Variants in MUC7 observed in about 807,000 individuals in gnomAD.
The protein encoded by MUC7 is mucin 7, secreted.
Under a neutral mutation model 2.5 loss-of-function variants are expected in MUC7, and 2 were observed. The ratio of observed to expected loss-of-function variants is 0.81; its 90% CI spans 0.33 to 2.55. The LOEUF (loss-of-function observed/expected upper bound fraction) is 2.55. Among genes scored for constraint, MUC7 ranks in the 30% most tolerant of loss-of-function variants. The pLI, the probability that MUC7 is intolerant of heterozygous loss-of-function variation, is 0.11. For synonymous variants in MUC7, 133 were observed against 173.4 expected, an observed-to-expected ratio of 0.77 and a Z score of 1.83; for missense variants, 408 against 455.6, an observed-to-expected ratio of 0.90 and a Z score of 0.95.
intron 1 of MUC7, among the ~76,000 whole-genome samples, chr4:70,446,698 T>C (rs562667118): frequency 6.6e-6 from 1 of 152,298 alleles, no homozygotes; most frequent in Non-Finnish European, 1.5e-5. Context: ...CACAATTCAA[T>C]CTATAACACC....
At chr4:70,450,241 G>A (rs149023959) in intron 1 of MUC7, among the ~76,000 whole-genome samples, 41 of 152,250 alleles carry the variant, frequency 2.7e-4, no homozygotes, top group African/African-American at 9.1e-4. Context: ...GCCACCCCAG[G>A]CACAAGGGGT....
At chr4:70,457,214 G>C (rs1734436909) in intron 1 of MUC7, among the ~76,000 whole-genome samples, 2 of 152,158 alleles carry the variant, frequency 1.3e-5, no homozygotes, top group Non-Finnish European at 2.9e-5. Context: ...AAGCCAAGGG[G>C]GGAGGACTGC....
In MUC7 at chr4:70,463,748, G is replaced by GT. The variant is rs367565619; in HGVS notation, c.-92-8466dup. On this transcript the variant is annotated intron_variant, in intron 1 of 3. Transcript: ENST00000413702. The stretch of plus-strand genomic sequence containing the variant: ...TAAAACCCCAAGTGGCTTTAACACC[G>GT]TAAGAACATTAAAATAGCCCTCCCG... Among the ~76,000 whole-genome samples the GT allele has an allele frequency of 1.1e-3, 165 of 152,200 alleles. 3 individuals carry two copies. The highest frequency in any genetic ancestry group is 3.7e-3 in the African/African-American group (152 of 41,530).
At chr4:70,435,558 G>A (rs1036474299) in intron 1 of MUC7, among the ~76,000 whole-genome samples, 1 of 152,156 alleles carries the variant, frequency 6.6e-6, no homozygotes, top group African/African-American at 2.4e-5. Flanking sequence ...TTCCTTGGTA[G>A]ATCTTCCTCC....
intron 1 of MUC7, among the ~76,000 whole-genome samples, chr4:70,435,753 G>C (rs922608925): frequency 8.5e-5 from 13 of 152,178 alleles, no homozygotes; most frequent in Non-Finnish European, 1.6e-4. Flanking sequence ...TATGATGCTA[G>C]CTGGTTATTT....
chr4:70,434,840 A>G (rs1317856301), intron 1 of MUC7, among the ~76,000 whole-genome samples: 1 of 152,080 alleles, frequency 6.6e-6, no homozygotes, highest in Non-Finnish European at 1.5e-5. Flanking sequence ...TCTTGTGGGC[A>G]TTTAGTGCTA....
chr4:70,439,401 A>C (rs960550853), intron 1 of MUC7, among the ~76,000 whole-genome samples: 2 of 152,018 alleles, frequency 1.3e-5, no homozygotes, highest in Non-Finnish European at 2.9e-5. Flanking sequence ...AAGTTTAAGC[A>C]GGGGATTTGG....
At chr4:70,438,651 T>A (rs141993670) in intron 1 of MUC7, among the ~76,000 whole-genome samples, 1 of 151,862 alleles carries the variant, frequency 6.6e-6, no homozygotes, top group Non-Finnish European at 1.5e-5. Flanking sequence ...AGAGATGAGG[T>A]TTCACCATGT....
intron 1 of MUC7, among the ~76,000 whole-genome samples, chr4:70,464,408 C>T (rs1176785148): frequency 6.6e-6 from 1 of 152,116 alleles, no homozygotes; most frequent in Admixed American, 6.5e-5. Flanking sequence ...ATCATTCACT[C>T]CCCTGAAAAG....
intron 1 of MUC7, among the ~76,000 whole-genome samples, chr4:70,456,618 G>T (rs1734421889): frequency 6.6e-6 from 1 of 152,130 alleles, no homozygotes; most frequent in Admixed American, 6.6e-5. Flanking sequence ...CTCACTCACT[G>T]TCATGAGAAC....
At chr4:70,442,369 A>G (rs1677141993) in intron 1 of MUC7, among the ~76,000 whole-genome samples, 1 of 152,210 alleles carries the variant, frequency 6.6e-6, no homozygotes. Context: ...CAGAGTAATA[A>G]TGAGCCAGGT....
At chr4:70,432,438 T>G (rs1560541924) in intron 1 of MUC7, among the ~76,000 whole-genome samples, 1 of 152,236 alleles carries the variant, frequency 6.6e-6, no homozygotes, top group African/African-American at 2.4e-5. Context: ...TGATCGCCAT[T>G]CTAACTGGTG....
chr4:70,431,293 T>C (rs909261631), intron 1 of MUC7, among the ~76,000 whole-genome samples: 27 of 152,174 alleles, frequency 1.8e-4, no homozygotes, highest in Non-Finnish European at 1.5e-5. Context: ...AAAAGGCTTT[T>C]ATTTGCCTTA....
chr4:70,478,724 G>A (rs1735079917), intron 2 of MUC7, among the ~76,000 whole-genome samples: 1 of 152,158 alleles, frequency 6.6e-6, no homozygotes, highest in Admixed American at 6.5e-5. Flanking sequence ...AGTCAGAGCA[G>A]GTCCTTAATT....
chr4:70,462,790 T>C (rs1577908840), intron 1 of MUC7, among the ~76,000 whole-genome samples: 3 of 139,622 alleles, frequency 2.1e-5, no homozygotes, highest in South Asian at 4.9e-4. Context: ...CTGGGTAACA[T>C]AGCAAGACCC....
chr4:70,465,407 A>G (rs556219359), intron 1 of MUC7, among the ~76,000 whole-genome samples: 1 of 152,290 alleles, frequency 6.6e-6, no homozygotes, highest in South Asian at 2.1e-4. Context: ...GAGTTTGACA[A>G]ATTGACAGAA....
intron 1 of MUC7, among the ~76,000 whole-genome samples, chr4:70,436,158 G>T (rs974688533): frequency 6.6e-6 from 1 of 152,054 alleles, no homozygotes; most frequent in East Asian, 1.9e-4. Context: ...TTCAACCTTG[G>T]TGAATCTGAC....
At chr4:70,432,047 T>G (rs891028684) in intron 1 of MUC7, among the ~76,000 whole-genome samples, 2 of 152,254 alleles carry the variant, frequency 1.3e-5, no homozygotes, top group Admixed American at 1.3e-4. Flanking sequence ...GGTTTCCAGC[T>G]TCATCCATGT....
At chr4:70,466,711 T>A (rs954473807) in intron 1 of MUC7, among the ~76,000 whole-genome samples, 1 of 152,150 alleles carries the variant, frequency 6.6e-6, no homozygotes, top group African/African-American at 2.4e-5. Flanking sequence ...GAGCTAACTA[T>A]CCTAAATATA....
Sources: allele counts gnomAD v4.1 joint callset (sites outside exome capture counted in the v4.1 genomes callset), GRCh38; gene constraint gnomAD v4.1.1; transcripts MANE v1.5; gene names NCBI Gene and HGNC (gene_info 2026-07-23, HGNC 2026-07-21).